TBCD: variants seen among roughly 807,000 people sequenced by gnomAD.
TBCD encodes tubulin-specific chaperone D.
TBCD carries 105 observed loss-of-function variants against 169.3 expected under a neutral mutation model. The observed-to-expected ratio is 0.62, with a 90% confidence interval of 0.53 to 0.73. The LOEUF (loss-of-function observed/expected upper bound fraction) is 0.73. Ranked by LOEUF, TBCD falls within the 30% of genes least tolerant of loss-of-function variation. The pLI is 0.00. For synonymous variants in TBCD, 700 were observed against 643.9 expected (o/e 1.09, Z -1.32); for missense variants, 1,444 against 1,600.1 (o/e 0.90, Z 1.66).
chr17:82,927,871 A>G, intron 29 of TBCD, 34 bp from the exon 30 acceptor site: 1 of 1,599,594 alleles, frequency 6.3e-7, no homozygotes, highest in South Asian at 1.1e-5. Context: ...CCCCCTCTCA[A>G]GCTGGGTGTC....
intron 13 of TBCD, among the ~76,000 whole-genome samples, chr17:82,867,548 A>G (rs1025694992): frequency 2.0e-5 from 3 of 152,222 alleles, no homozygotes; most frequent in African/African-American, 7.2e-5. Context: ...CCCTGTTAGC[A>G]CAGAAAGTGA....
rs2058299926 is a variant in TBCD, at chr17:82,880,777, G to A, written c.1476-3368G>A. Among the ~76,000 whole-genome samples the A allele has an allele frequency of 6.6e-6, 1 of 152,224 alleles. No homozygotes were observed. On this transcript the variant is annotated intron_variant, in intron 14 of 38. Coordinates refer to ENST00000355528, the MANE Select transcript of TBCD (RefSeq NM_005993.5). This position sits in a 1 kb window ranked among gnomAD's most constrained non-coding sequence, Gnocchi z 5.0. ...GAGGGGCTGGGCGGGGAGGACGCAGGGTCTGTCGGAGCATAGCAGTGGCCC... is the reference window on the plus strand; with the variant it reads ...GAGGGGCTGGGCGGGGAGGACGCAGAGTCTGTCGGAGCATAGCAGTGGCCC...
Position 82,806,121 on chromosome 17 carries a change from C to T in TBCD, c.1087+110C>T. 6.9e-7 allele frequency: 1 copy of T among 1,445,358 alleles called. No homozygotes were observed. The highest frequency in any genetic ancestry group is 9.3e-7 in the Non-Finnish European group (1 of 1,071,442). The allele number at this position is 1,445,358 out of a possible 1,614,324, so 89.5% of individuals were successfully genotyped here. A position where few individuals can be genotyped will look rare whatever the true frequency, so the allele number is the denominator to read the frequency against. On this transcript the variant is annotated intron_variant, in intron 10 of 38. Transcript: ENST00000355528. This position sits in a 1 kb window ranked among gnomAD's most constrained non-coding sequence, Gnocchi z 5.1. ...CTTGCTGGTGCCGGCACTGTCTGGC[C>T]ACCCGTCCCCTTCGCTGAGTGCACG...
intron 13 of TBCD, among the ~76,000 whole-genome samples, chr17:82,823,791 T>C (rs543203021): frequency 6.6e-6 from 1 of 152,340 alleles, no homozygotes; most frequent in South Asian, 2.1e-4. Flanking sequence ...TGGCAAAATA[T>C]GTATAACAAA....
chr17:82,831,362 A>G lies in TBCD; in HGVS notation c.1318+16428A>G. On this transcript the variant is annotated intron_variant, in intron 13 of 38. Transcript: ENST00000355528. This position sits in a 1 kb window ranked among gnomAD's most constrained non-coding sequence, Gnocchi z 4.6. ...TTTCTGTTGGGGTCCGAAGGGTTTAACCTGGAAGGACTCGAGGCTGGATAG... is the reference window on the plus strand; with the variant it reads ...TTTCTGTTGGGGTCCGAAGGGTTTAGCCTGGAAGGACTCGAGGCTGGATAG... 1.2e-6 allele frequency: 2 copies of G among 1,614,048 alleles called. No individual in the cohort carries two copies. Among genetic ancestry groups the G allele is most frequent in the Non-Finnish European group, 1.7e-6 (2 of 1,180,010 alleles).
In TBCD at chr17:82,889,626, G is replaced by T. The variant is rs752013034; in HGVS notation, c.1534-42G>T. On this transcript the variant is annotated intron_variant, in intron 15 of 38. Coordinates refer to ENST00000355528, the MANE Select transcript of TBCD (RefSeq NM_005993.5). The surrounding 1 kb of genome is among the most constrained non-coding windows in gnomAD (Gnocchi z 5.3). ...GAACTTGCCTCTGGTGTTGGCGGAA[G>T]CTGACCTCGCTCACCTGCTGTGTTT... 6.2e-7 allele frequency: 1 copy of T among 1,613,700 alleles called. No homozygotes were observed. The highest frequency in any genetic ancestry group is 1.7e-5 in the Admixed American group (1 of 59,972).
rs1369041516 is a variant in TBCD, at chr17:82,943,916, TGA to T, written c.*1455_*1456del. 6.6e-6 allele frequency: 1 copy of T among 152,196 alleles called. No homozygotes were observed. Among genetic ancestry groups the T allele is most frequent in the African/African-American group, 2.4e-5 (1 of 41,428 alleles). The allele number at this position is 152,196 out of a possible 1,614,324, so 9.4% of individuals were successfully genotyped here. A position where few individuals can be genotyped will look rare whatever the true frequency, so the allele number is the denominator to read the frequency against. On this transcript the variant is annotated 3_prime_UTR_variant, in exon 39 of 39. Coordinates refer to ENST00000355528, the MANE Select transcript of TBCD (RefSeq NM_005993.5). ...GTGACCAGGCCTAGCCTTGGCCACATGAGTCCACACAGTGGAAAAGGCTTGGC... is the reference window on the plus strand; with the variant it reads ...GTGACCAGGCCTAGCCTTGGCCACATGTCCACACAGTGGAAAAGGCTTGGC...
chr17:82,784,201 T>C (rs1320930996), intron 7 of TBCD, among the ~76,000 whole-genome samples: 1 of 152,162 alleles, frequency 6.6e-6, no homozygotes, highest in Non-Finnish European at 1.5e-5. Context: ...TTTAATAAAA[T>C]TTTAAACAAA....
chr17:82,846,244 C>T (rs977694896), intron 13 of TBCD, among the ~76,000 whole-genome samples: 9 of 148,664 alleles, frequency 6.1e-5, no homozygotes, highest in African/African-American at 2.2e-4. Flanking sequence ...TCTGCTGCCC[C>T]CTCCACGCGC....
rs201983774 is a variant in TBCD at position 82,830,872 on chromosome 17, T to C, written c.1318+15938T>C. Reference sequence around the variant, plus strand: ...AGCAGGAGGGTCTCCGTTCACAACATTGAGGCTAGAAGAAGCCAAGAAAAA... The same window carrying C: ...AGCAGGAGGGTCTCCGTTCACAACACTGAGGCTAGAAGAAGCCAAGAAAAA... On this transcript the variant is annotated intron_variant, in intron 13 of 38. Transcript: ENST00000355528. The C allele has an allele frequency of 1.8e-5, 29 of 1,612,314 alleles. No homozygotes were observed. The African/African-American group carries it at 3.3e-4, about 19-fold the overall frequency.
Position 82,842,780 on chromosome 17 carries a change from C to CTT in TBCD, c.1319-27427_1319-27426dup, listed in dbSNP as rs375870095. ...CAAGTGTTCTTCATTTTCTTTCTTTCTTTTTTTTTTTTTTTTTTGAGATGG... is the reference window on the plus strand; with the variant it reads ...CAAGTGTTCTTCATTTTCTTTCTTTCTTTTTTTTTTTTTTTTTTTTGAGATGG... On this transcript the variant is annotated intron_variant, in intron 13 of 38. Coordinates refer to ENST00000355528, the MANE Select transcript of TBCD (RefSeq NM_005993.5). Among the ~76,000 whole-genome samples, 130 of 129,870 alleles carry CTT rather than the reference C, an allele frequency of 1.0e-3. 1 individual carries two copies. The highest frequency in any genetic ancestry group is 2.9e-3 in the African/African-American group (100 of 34,722). The allele number at this position is 129,870 out of a possible 152,430, so 85.2% of individuals were successfully genotyped here.
At chr17:82,771,619 A>G (rs1464965875) in intron 5 of TBCD, among the ~76,000 whole-genome samples, 1 of 152,134 alleles carries the variant, frequency 6.6e-6, no homozygotes, top group African/African-American at 2.4e-5. Context: ...GGGTTTTACC[A>G]TATTGACCAG....
At chr17:82,893,488 G>A in intron 16 of TBCD, 59 bp from the exon 17 acceptor site, 1 of 1,346,802 alleles carries the variant, frequency 7.4e-7, no homozygotes. Context: ...ATTGAACTTG[G>A]TGAAATGCCT....
chr17:82,896,466 T>G (rs1231696064), intron 17 of TBCD, among the ~76,000 whole-genome samples: 2 of 148,998 alleles, frequency 1.3e-5, no homozygotes, highest in African/African-American at 2.5e-5. Flanking sequence ...TTTTTTTTTT[T>G]TTTTTTTTTT....
chr17:82,828,179 GA>G (rs2053083824), intron 13 of TBCD, among the ~76,000 whole-genome samples: 1 of 123,640 alleles, frequency 8.1e-6, no homozygotes, highest in Non-Finnish European at 1.6e-5. Context: ...CCGTACAATC[GA>G]ATGCACACAC....
chr17:82,931,178 G>A (rs1408884611), intron 33 of TBCD, among the ~76,000 whole-genome samples: 2 of 152,218 alleles, frequency 1.3e-5, no homozygotes, highest in Non-Finnish European at 1.5e-5. Context: ...GTGCGAGGAC[G>A]AGGACACGGG....
rs1418983657 is a variant in TBCD at position 82,930,002 on chromosome 17, T to G, written c.2991+502T>G. On this transcript the variant is annotated intron_variant, in intron 32 of 38. Coordinates refer to ENST00000355528, the MANE Select transcript of TBCD (RefSeq NM_005993.5). This position sits in a 1 kb window ranked among gnomAD's most constrained non-coding sequence, Gnocchi z 5.2. ...ACCTTGGGTCATGACCTGCTTTATGTGGCAACCCTGTGACAGCTGCTAAGT... is the reference window on the plus strand; with the variant it reads ...ACCTTGGGTCATGACCTGCTTTATGGGGCAACCCTGTGACAGCTGCTAAGT... 1 of 276,794 alleles carries G rather than the reference T, an allele frequency of 3.6e-6. No individual in the cohort carries two copies. The highest frequency in any genetic ancestry group is 7.1e-6 in the Non-Finnish European group (1 of 141,796). 17.1% of individuals were successfully genotyped at this position (276,794 alleles called of 1,614,324 possible). A position where few individuals can be genotyped will look rare whatever the true frequency, so the allele number is the denominator to read the frequency against.
intron 6 of TBCD, among the ~76,000 whole-genome samples, chr17:82,776,522 T>C (rs576552555): frequency 1.6e-4 from 24 of 152,236 alleles, no homozygotes; most frequent in African/African-American, 5.1e-4. Context: ...ACTTTTAATG[T>C]GCACAGCATG....
At chr17:82,898,700 A>G (rs986925621) in intron 17 of TBCD, among the ~76,000 whole-genome samples, 1 of 151,944 alleles carries the variant, frequency 6.6e-6, no homozygotes, top group Admixed American at 6.5e-5. Flanking sequence ...TTTGTTCGGC[A>G]TATGTGTTGG....
Sources: gnomAD v4.1 joint callset for allele counts (sites outside exome capture counted in the v4.1 genomes callset) on GRCh38, gnomAD v4.1.1 for gene constraint, Gnocchi (gnomAD v3.1) non-coding constraint, MANE v1.5 for transcripts, NCBI Gene and HGNC (gene_info 2026-07-23, HGNC 2026-07-21) for gene names.